Variants in EWSR1 observed in about 807,000 individuals in gnomAD.
EWSR1 encodes the protein EWS RNA binding protein 1.
A neutral mutation model predicts 92.1 loss-of-function variants in EWSR1; 14 were observed. The ratio of observed to expected loss-of-function variants is 0.15; its 90% CI spans 0.10 to 0.24. EWSR1 has a LOEUF of 0.24. Among genes scored for constraint, EWSR1 ranks in the 10% least tolerant of loss-of-function variants. EWSR1 has a pLI of 1.00. For synonymous variants in EWSR1, 303 were observed against 292.9 expected (o/e 1.03, Z -0.35); for missense variants, 637 against 870.9 (o/e 0.73, Z 3.38).
rs72547484 is a variant in EWSR1, at chr22:29,290,251, C to G, written c.975-1311C>G. The G allele has an allele frequency of 1.3e-3, 772 of 588,888 alleles. 3 individuals are homozygous for G. The highest frequency in any genetic ancestry group is 0.012 in the African/African-American group (612 of 52,682). The allele number at this position is 588,888 out of a possible 1,614,324, so 36.5% of individuals were successfully genotyped here. ...TAGACGGGCATTTCCCTCGTTGCCC[C>G]CCTTTTTATTGTGGTGTGGTGATGG... On this transcript the variant is annotated intron_variant, in intron 8 of 16. Transcript: ENST00000397938.
At chr22:29,289,379 C>T (rs2060278801) in intron 8 of EWSR1, 1 of 230,874 alleles carries the variant, frequency 4.3e-6, no homozygotes, top group East Asian at 6.2e-5. Context: ...TATGGGCTCA[C>T]TTCCTACTGG....
intron 10 of EWSR1, 116 bp from the exon 11 acceptor site, chr22:29,292,372 A>G: frequency 1.1e-6 from 1 of 932,186 alleles, no homozygotes; most frequent in South Asian, 1.5e-5. Context: ...TCTTCTTAGT[A>G]TGCTTGGTAG....
chr22:29,272,127 CT>C (rs1482122571), intron 1 of EWSR1, 88 bp from the exon 2 acceptor site: 15 of 1,228,216 alleles, frequency 1.2e-5, no homozygotes, highest in Non-Finnish European at 1.4e-5. Context: ...TTAAAGAATT[CT>C]TCCTGCCACG....
intron 3 of EWSR1, 94 bp downstream of exon 3, chr22:29,272,525 A>C: frequency 7.7e-7 from 1 of 1,299,692 alleles, no homozygotes; most frequent in Non-Finnish European, 1.1e-6. Flanking sequence ...ACAAATGAGT[A>C]ATGTGTTTGG....
At chr22:29,299,206 A>C (rs1429642239) in intron 14 of EWSR1, 28 bp from the exon 15 acceptor site, 10 of 1,613,892 alleles carry the variant, frequency 6.2e-6, no homozygotes. Context: ...TCAATTGGTG[A>C]TTTCTGCTGT....
chr22:29,291,639 A>G (rs747765412), intron 9 of EWSR1, 40 bp downstream of exon 9: 2 of 1,569,310 alleles, frequency 1.3e-6, no homozygotes, highest in Admixed American at 1.8e-5. Context: ...GTTTAAAAAA[A>G]AATGCAGTCA....
In EWSR1 at chr22:29,286,150, G is replaced by GTT. The variant is rs138155811; in HGVS notation, c.582-765_582-764dup. The stretch of plus-strand genomic sequence containing the variant: ...CACCGCACCCGGCCTGATTTTTTGG[G>GTT]TTTTTTTTTGGAGACGGAATCTTCA... On this transcript the variant is annotated intron_variant, in intron 6 of 16. Transcript: ENST00000397938. Among the ~76,000 whole-genome samples, 35 of 149,744 alleles carry GTT rather than the reference G, an allele frequency of 2.3e-4. No homozygotes were observed. The East Asian group carries it at 5.6e-3, about 24-fold the overall frequency.
chr22:29,280,589 C>G (rs943297309), intron 5 of EWSR1, among the ~76,000 whole-genome samples: 1 of 151,736 alleles, frequency 6.6e-6, no homozygotes, highest in Non-Finnish European at 1.5e-5. Flanking sequence ...GTTTCCATTA[C>G]GGAGACTTTG....
intron 11 of EWSR1, among the ~76,000 whole-genome samples, chr22:29,293,748 A>G (rs1487172148): frequency 1.3e-5 from 2 of 152,022 alleles, no homozygotes; most frequent in Admixed American, 6.6e-5. Context: ...TATTTTTAGT[A>G]GAGATGGGGT....
intron 1 of EWSR1, among the ~76,000 whole-genome samples, chr22:29,271,371 G>GT (rs1295322027): frequency 1.3e-5 from 2 of 152,188 alleles, no homozygotes; most frequent in Non-Finnish European, 2.9e-5. Flanking sequence ...CAGTGGACCA[G>GT]TTTTTGGTCC....
At chr22:29,295,342 G>T (rs1023041698) in intron 11 of EWSR1, among the ~76,000 whole-genome samples, 1 of 152,122 alleles carries the variant, frequency 6.6e-6, no homozygotes, top group Admixed American at 6.5e-5. Flanking sequence ...TTCCAAGCTG[G>T]ATACAGTGGC....
chr22:29,288,986 G>C (rs2060249593), intron 8 of EWSR1, 200 bp downstream of exon 8: 1 of 539,274 alleles, frequency 1.9e-6, no homozygotes, highest in East Asian at 3.3e-5. Flanking sequence ...TTCCCTGCCA[G>C]TATACTTCGT....
intron 5 of EWSR1, among the ~76,000 whole-genome samples, chr22:29,281,685 A>G (rs2059616658): frequency 6.6e-6 from 1 of 151,778 alleles, no homozygotes; most frequent in Admixed American, 6.6e-5. Context: ...GGTTCACGCC[A>G]TTCTCCTGCC....
chr22:29,283,871 G>C (rs1443663419), intron 6 of EWSR1, among the ~76,000 whole-genome samples: 1 of 150,318 alleles, frequency 6.7e-6, no homozygotes, highest in Non-Finnish European at 1.5e-5. Flanking sequence ...TTTTGCTCTT[G>C]TTGCCCAGGC....
At position 29,296,308 on chromosome 22, in the gene EWSR1, G is replaced by GCCACAGTGTCCT. The variant is rs2060855702; in HGVS notation, c.1234_1235insCCACAGTGTCCT (p.Asp412delinsAlaThrValSerTyr). ...CAAGGAAACAGGAAAGCCCAAAGGC[G>GCCACAGTGTCCT]ATGCCACAGTGTCCTATGAAGACCC... is the stretch of plus-strand genomic sequence containing the variant. On this transcript the variant is annotated protein_altering_variant, in exon 12 of 17. Coordinates refer to ENST00000397938, the MANE Select transcript of EWSR1 (RefSeq NM_005243.4). 6.2e-7 allele frequency: 1 copy of GCCACAGTGTCCT among 1,614,078 alleles called. No homozygotes were observed.
rs557684065 is a variant in EWSR1 at position 29,273,729 on chromosome 22, T to G, written c.103-12T>G. On this transcript the variant is annotated splice_polypyrimidine_tract_variant and intron_variant, in intron 3 of 16. Transcript: ENST00000397938. The stretch of plus-strand genomic sequence containing the variant: ...TGTATGAAGTTCTTGCATTCGTTTT[T>G]TTTTGGAGCAGGCATATGGGCAACA... 6.2e-7 allele frequency: 1 copy of G among 1,601,956 alleles called. No homozygotes were observed. Among genetic ancestry groups the G allele is most frequent in the African/African-American group, 1.3e-5 (1 of 74,424 alleles).
chr22:29,287,943 A>G (rs1160440171), intron 7 of EWSR1, among the ~76,000 whole-genome samples: 2 of 152,124 alleles, frequency 1.3e-5, no homozygotes, highest in African/African-American at 4.8e-5. Context: ...GGGGGAGGCC[A>G]AGGCAGGAGG....
intron 5 of EWSR1, among the ~76,000 whole-genome samples, chr22:29,279,552 A>G (rs1247359520): frequency 6.6e-6 from 1 of 152,242 alleles, no homozygotes; most frequent in Non-Finnish European, 1.5e-5. Flanking sequence ...AAGATTTTAG[A>G]TCTTTGCTTT....
rs755951683 is a variant in EWSR1 at position 29,273,810 on chromosome 22, A to T, written c.172A>T (p.Thr58Ser). The change falls in exon 4 of 17, where the codon ACT becomes TCT. Residue 58 changes from threonine (T) to serine (S), a missense_variant. Physicochemically the swap from Thr to Ser is moderately conservative, Grantham distance 58. Coordinates refer to ENST00000397938, the MANE Select transcript of EWSR1 (RefSeq NM_005243.4). ...TGTCAGCTATACCCAGGCTCAGACC[A>T]CTGCAACCTATGGGCAGACCGCCTA... ...TDVSYTQAQT[T>S]ATYGQTAYAT... The T allele has an allele frequency of 1.9e-6, 3 of 1,614,080 alleles. No individual in the cohort carries two copies. Among genetic ancestry groups the T allele is most frequent in the Admixed American group, 1.7e-5 (1 of 60,024 alleles).
Sources: allele counts gnomAD v4.1 joint callset (sites outside exome capture counted in the v4.1 genomes callset), GRCh38; gene constraint gnomAD v4.1.1; transcripts MANE v1.5; gene names NCBI Gene and HGNC (gene_info 2026-07-23, HGNC 2026-07-21).